MARCHF4: variants seen among roughly 807,000 people sequenced by gnomAD.
The protein encoded by MARCHF4 is E3 ubiquitin-protein ligase MARCHF4.
MARCHF4 carries 14 observed loss-of-function variants against 43.9 expected under a neutral mutation model. The observed-to-expected ratio is 0.32, with a 90% CI of 0.21 to 0.50. The LOEUF (loss-of-function observed/expected upper bound fraction) is 0.50. Among genes scored for constraint, MARCHF4 ranks in the 20% least tolerant of loss-of-function variants. The probability of loss-of-function intolerance (pLI) is 0.98; values close to 1 mark genes in which losing one functional copy is unlikely to be tolerated. For missense variants in MARCHF4, 468 were observed against 536.7 expected (o/e 0.87, Z 1.27); for synonymous variants, 226 against 213.3 (o/e 1.06, Z -0.52).
chr2:216,302,381 T>A (rs1400284671), intron 1 of MARCHF4, among the ~76,000 whole-genome samples: 1 of 113,122 alleles, frequency 8.8e-6, no homozygotes, highest in Non-Finnish European at 1.8e-5. Context: ...ACCACGCCCA[T>A]CTAATTTTTT....
At chr2:216,296,734 A>G (rs1691401889) in intron 1 of MARCHF4, among the ~76,000 whole-genome samples, 1 of 152,182 alleles carries the variant, frequency 6.6e-6, no homozygotes, top group South Asian at 2.1e-4. Context: ...TTGTTTTTCA[A>G]TTCTTTCTCT....
chr2:216,353,964 A>G (rs527703517), intron 1 of MARCHF4, among the ~76,000 whole-genome samples: 2 of 152,256 alleles, frequency 1.3e-5, no homozygotes, highest in East Asian at 1.9e-4. Context: ...TGAACCCACA[A>G]AGTTTCTTCC....
At chr2:216,328,066 C>T (rs748978273) in intron 1 of MARCHF4, among the ~76,000 whole-genome samples, 1 of 152,094 alleles carries the variant, frequency 6.6e-6, no homozygotes, top group African/African-American at 2.4e-5. Context: ...CTTATAATCC[C>T]TGTTGTAGTT....
chr2:216,356,341 C>T (rs557762834), intron 1 of MARCHF4, among the ~76,000 whole-genome samples: 16 of 152,254 alleles, frequency 1.1e-4, no homozygotes, highest in African/African-American at 2.9e-4. Flanking sequence ...AGGAACTGCG[C>T]GAAGCATGTT....
At chr2:216,330,586 C>T (rs186696367) in intron 1 of MARCHF4, among the ~76,000 whole-genome samples, 119 of 152,260 alleles carry the variant, frequency 7.8e-4, no homozygotes, top group African/African-American at 2.6e-3. Context: ...TCCAAGTCTA[C>T]GTGAAATGTT....
Position 216,324,753 on chromosome 2 carries a change from CA to C in MARCHF4, c.517-41025del, listed in dbSNP as rs1239200922. ...CAATAGATGCAGAAAAGGCCTTTGA[CA>C]AAATTCAACAACATTCATGCTAAAA... On this transcript the variant is annotated intron_variant, in intron 1 of 3. Coordinates refer to ENST00000273067, the MANE Select transcript of MARCHF4 (RefSeq NM_020814.3). Among the ~76,000 whole-genome samples the C allele has an allele frequency of 2.4e-5, 3 of 123,080 alleles. No homozygotes were observed. In the Admixed American group the frequency reaches 2.6e-4, roughly 11 times the overall value. 80.7% of individuals were successfully genotyped at this position (123,080 alleles called of 152,430 possible). A position where few individuals can be genotyped will look rare whatever the true frequency, so the allele number is the denominator to read the frequency against.
Position 216,259,330 on chromosome 2 carries a change from C to A in MARCHF4, c.1215G>T (p.Met405Ile). 1.3e-6 allele frequency: 2 copies of A among 1,557,332 alleles called. No homozygotes were observed. The highest frequency in any genetic ancestry group is 1.2e-5 in the South Asian group (1 of 81,812). The change falls in exon 4 of 4, where the codon ATG (methionine) becomes ATT (isoleucine). Residue 405 changes from methionine to isoleucine, a missense_variant. Physicochemically the swap from Met to Ile is conservative, Grantham distance 10. Around this residue, in one of 3 missense-constraint regions of MARCHF4, gnomAD observed 120 missense variants for 127.1 expected, o/e 0.94. Transcript: ENST00000273067. ...TCTGCTCTCACACTGTCGTGACTCT[C>A]ATGACCAGCTCTCGGCTGCTGCCTG... ...SPPGSSRELV[M>I]RVTTV
At chr2:216,263,502 AGAGAGAGAGAGAG>A (rs1279409338) in intron 3 of MARCHF4, among the ~76,000 whole-genome samples, 2 of 141,196 alleles carry the variant, frequency 1.4e-5, no homozygotes, top group African/African-American at 5.5e-5. Flanking sequence ...AAAGAGAGAG[AGAGAGAGAGAGAG>A]AGAGAGAGAG....
intron 1 of MARCHF4, among the ~76,000 whole-genome samples, chr2:216,312,212 T>TTTA (rs1251895662): frequency 6.6e-6 from 1 of 152,204 alleles, no homozygotes; most frequent in Non-Finnish European, 1.5e-5. Flanking sequence ...TGGGAACATG[T>TTTA]AGTTTTCTGT....
intron 1 of MARCHF4, among the ~76,000 whole-genome samples, chr2:216,344,531 A>AT (rs1384013715): frequency 2.0e-5 from 3 of 152,164 alleles, no homozygotes; most frequent in African/African-American, 7.2e-5. Flanking sequence ...AGGAATTGAT[A>AT]TTGGCAAGAA....
intron 3 of MARCHF4, among the ~76,000 whole-genome samples, chr2:216,273,999 C>T (rs1690982612): frequency 6.6e-6 from 1 of 152,166 alleles, no homozygotes; most frequent in African/African-American, 2.4e-5. Context: ...GTTGGAGTGT[C>T]GGTTGTGTTA....
intron 1 of MARCHF4, among the ~76,000 whole-genome samples, chr2:216,289,588 G>A (rs545867331): frequency 1.3e-5 from 2 of 152,288 alleles, no homozygotes; most frequent in East Asian, 3.9e-4. Context: ...TTTATTTTGA[G>A]CTTGTTTCAT....
intron 1 of MARCHF4, among the ~76,000 whole-genome samples, chr2:216,308,926 C>T (rs180828580): frequency 2.6e-5 from 4 of 152,216 alleles, no homozygotes; most frequent in Admixed American, 6.5e-5. Context: ...GATATTCAAA[C>T]CTATTCATGG....
Position 216,259,506 on chromosome 2 carries a change from A to C in MARCHF4, c.1039T>G (p.Ser347Ala). Residue 347 changes from serine (S) to alanine (A), a missense_variant, in exon 4 of 4, where the codon TCG (serine) becomes GCG (alanine). Coordinates refer to ENST00000273067, the MANE Select transcript of MARCHF4 (RefSeq NM_020814.3). Reference protein sequence around the residue: ...SSSTQANIPSSEEETAGTPAP... With the variant: ...SSSTQANIPSAEEETAGTPAP... ...GGGGTGCCTGCGGTCTCCTCTTCCG[A>C]GGAGGGGATATTGGCCTGGGTGGAT... The C allele has an allele frequency of 6.2e-7, 1 of 1,614,036 alleles. No homozygotes were observed. Among genetic ancestry groups the C allele is most frequent in the Non-Finnish European group, 8.5e-7 (1 of 1,179,980 alleles).
chr2:216,289,238 C>G (rs75541110), intron 1 of MARCHF4, among the ~76,000 whole-genome samples: 1,347 of 87,916 alleles, frequency 0.015, 21 homozygotes, highest in African/African-American at 0.06. Flanking sequence ...TCCCCACCCG[C>G]CCCCCACCCA....
chr2:216,295,475 G>A (rs1004240171), intron 1 of MARCHF4, among the ~76,000 whole-genome samples: 2 of 152,186 alleles, frequency 1.3e-5, no homozygotes, highest in Non-Finnish European at 2.9e-5. Context: ...GCCATGTTGG[G>A]ATTACAGGCG....
At chr2:216,353,114 C>T (rs981271193) in intron 1 of MARCHF4, among the ~76,000 whole-genome samples, 2 of 152,086 alleles carry the variant, frequency 1.3e-5, no homozygotes, top group Non-Finnish European at 2.9e-5. Context: ...TTTCTAACCA[C>T]GGAGCCTAAC....
intron 1 of MARCHF4, among the ~76,000 whole-genome samples, chr2:216,312,294 C>T (rs1559096335): frequency 6.6e-6 from 1 of 152,116 alleles, no homozygotes; most frequent in Non-Finnish European, 1.5e-5. Context: ...TGATTTCATT[C>T]TTTTTATGTC....
intron 1 of MARCHF4, among the ~76,000 whole-genome samples, chr2:216,337,748 G>A (rs759971133): frequency 2.0e-5 from 3 of 151,888 alleles, no homozygotes; most frequent in Non-Finnish European, 4.4e-5. Context: ...TTTGGTTAGC[G>A]ACCTACTACT....
Sources: allele counts gnomAD v4.1 joint callset (sites outside exome capture counted in the v4.1 genomes callset), GRCh38; gene constraint gnomAD v4.1.1; regional missense constraint gnomAD v4.1.1; transcripts MANE v1.5; gene names NCBI Gene and HGNC (gene_info 2026-07-23, HGNC 2026-07-21).